Variants in AK4 observed in about 807,000 individuals in gnomAD.
AK4 encodes the protein adenylate kinase 4, also known as adenylate kinase 4, mitochondrial.
In AK4, 13 loss-of-function variants were observed where a neutral mutation model predicts 24.6. That is an observed-to-expected ratio of 0.53 (90% confidence interval 0.34 to 0.84). The LOEUF is 0.84. Among genes scored for constraint, AK4 ranks in the 40% least tolerant of loss-of-function variants. The pLI is 0.01. For synonymous variants in AK4, 88 were observed against 107.0 expected (o/e 0.82, Z 1.10); for missense variants, 192 against 288.2 (o/e 0.67, Z 2.42).
intron 1 of AK4, among the ~76,000 whole-genome samples, chr1:65,149,438 C>T (rs1397122422): frequency 6.6e-6 from 1 of 152,152 alleles, no homozygotes; most frequent in Non-Finnish European, 1.5e-5. Flanking sequence ...CGAGAGGTAG[C>T]GGTTGTGCTG....
rs937011598 is a variant in AK4 at position 65,230,089 on chromosome 1, T to C, written c.*3912T>C. Reference sequence around the variant, plus strand: ...CCACCATCTGCTTGTCGTGCAACAGTTGAGGCAGTAACCAGGGGAGATTCA... The same window carrying C: ...CCACCATCTGCTTGTCGTGCAACAGCTGAGGCAGTAACCAGGGGAGATTCA... On this transcript the variant is annotated 3_prime_UTR_variant, in exon 5 of 5. Coordinates refer to ENST00000327299, the MANE Select transcript of AK4 (RefSeq NM_013410.4). The C allele has an allele frequency of 3.9e-5, 6 of 152,274 alleles. No homozygotes were observed. The highest frequency in any genetic ancestry group is 8.8e-5 in the Non-Finnish European group (6 of 68,096). The allele number at this position is 152,274 out of a possible 1,614,324, so 9.4% of individuals were successfully genotyped here. A position where few individuals can be genotyped will look rare whatever the true frequency, so the allele number is the denominator to read the frequency against.
chr1:65,164,355 A>G (rs1650261629), intron 1 of AK4, among the ~76,000 whole-genome samples: 1 of 152,138 alleles, frequency 6.6e-6, no homozygotes, highest in South Asian at 2.1e-4. Context: ...CGGTTTCACA[A>G]GGACTCAAAT....
At chr1:65,171,195 G>C (rs1256504685) in intron 1 of AK4, among the ~76,000 whole-genome samples, 1 of 143,734 alleles carries the variant, frequency 7.0e-6, no homozygotes, top group Non-Finnish European at 1.5e-5. Context: ...TTCTGGGCTC[G>C]AGCAATCTGC....
At chr1:65,163,239 C>T (rs921843599) in intron 1 of AK4, among the ~76,000 whole-genome samples, 1 of 152,170 alleles carries the variant, frequency 6.6e-6, no homozygotes, top group African/African-American at 2.4e-5. Flanking sequence ...AATGAAGGTT[C>T]GTTTCTTCTC....
intron 4 of AK4, among the ~76,000 whole-genome samples, chr1:65,225,727 A>T (rs911494551): frequency 2.6e-5 from 4 of 152,188 alleles, no homozygotes; most frequent in African/African-American, 9.7e-5. Context: ...TTGACTAAGT[A>T]ATATAGGTTT....
intron 1 of AK4, among the ~76,000 whole-genome samples, chr1:65,164,988 T>C (rs558693120): frequency 3.3e-5 from 5 of 152,202 alleles, no homozygotes; most frequent in African/African-American, 9.7e-5. Flanking sequence ...TTTAAACTTA[T>C]TAAGCACTTG....
At chr1:65,219,203 ATTATAT>A (rs1428464286) in intron 3 of AK4, among the ~76,000 whole-genome samples, 1 of 151,282 alleles carries the variant, frequency 6.6e-6, no homozygotes, top group Admixed American at 6.6e-5. Context: ...AATGTATATA[ATTATAT>A]TTATTTTATT....
At chr1:65,174,763 A>G (rs1180004550) in intron 1 of AK4, among the ~76,000 whole-genome samples, 3 of 152,192 alleles carry the variant, frequency 2.0e-5, no homozygotes, top group Non-Finnish European at 4.4e-5. Flanking sequence ...TTGGAACCAC[A>G]TTGACTGGGA....
intron 1 of AK4, among the ~76,000 whole-genome samples, chr1:65,159,078 G>A (rs1380524871): frequency 6.6e-6 from 1 of 152,162 alleles, no homozygotes; most frequent in Admixed American, 6.5e-5. Flanking sequence ...AGATAATACT[G>A]AAATAATGCA....
At chr1:65,208,970 C>T (rs1337580488) in intron 2 of AK4, among the ~76,000 whole-genome samples, 1 of 142,080 alleles carries the variant, frequency 7.0e-6, no homozygotes, top group Non-Finnish European at 1.5e-5. Flanking sequence ...TGATATCTCA[C>T]TGCACTTAGT....
At chr1:65,216,688 CT>C (rs1176965901) in intron 2 of AK4, among the ~76,000 whole-genome samples, 16 of 126,156 alleles carry the variant, frequency 1.3e-4, no homozygotes, top group East Asian at 6.4e-4. Flanking sequence ...TTCTTTTCTT[CT>C]TTTTTTTTTC....
In AK4 at chr1:65,224,865, A is replaced by T; in HGVS notation, c.552A>T (p.Leu184Phe). The part of the protein sequence containing the change: ...YKDVAKPVIE[L>F]YKSRGVLHQF... ...ACGTGGCAAAGCCAGTCATTGAATT[A>T]TACAAGTGAGTGTGCTTCAATATTT... Residue 184 changes from leucine (L) to phenylalanine (F), a missense_variant, in exon 4 of 5, where the codon TTA becomes TTT. Transcript: ENST00000327299. The T allele has an allele frequency of 6.2e-7, 1 of 1,611,500 alleles. No homozygotes were observed. Among genetic ancestry groups the T allele is most frequent in the South Asian group, 1.1e-5 (1 of 91,002 alleles).
chr1:65,160,319 A>G (rs1650119160), intron 1 of AK4, among the ~76,000 whole-genome samples: 1 of 152,202 alleles, frequency 6.6e-6, no homozygotes, highest in Admixed American at 6.5e-5. Flanking sequence ...TTTGGTGTCT[A>G]ATAAGGCCTG....
At chr1:65,172,062 A>AATATATATATATATAT (rs1406842262) in intron 1 of AK4, among the ~76,000 whole-genome samples, 5 of 29,912 alleles carry the variant, frequency 1.7e-4, no homozygotes, top group Admixed American at 4.4e-4. Flanking sequence ...CTCCATCTCA[A>AATATATATATATATAT]GTATATATAT....
chr1:65,204,289 C>T (rs1651751167), intron 2 of AK4, among the ~76,000 whole-genome samples: 1 of 151,802 alleles, frequency 6.6e-6, no homozygotes, highest in Admixed American at 6.6e-5. Context: ...CAACCTCCAC[C>T]TCCTGGGTTC....
chr1:65,179,334 A>G (rs1438486150), intron 1 of AK4, among the ~76,000 whole-genome samples: 3 of 152,184 alleles, frequency 2.0e-5, no homozygotes, highest in African/African-American at 7.2e-5. Flanking sequence ...AATGCTCACA[A>G]ACATTGAGAG....
chr1:65,198,860 T>C (rs1218772878), intron 2 of AK4, among the ~76,000 whole-genome samples: 1 of 151,954 alleles, frequency 6.6e-6, no homozygotes, highest in Non-Finnish European at 1.5e-5. Context: ...GAGGATCACT[T>C]GAGCCCAGGA....
intron 2 of AK4, among the ~76,000 whole-genome samples, chr1:65,201,276 C>T (rs914422031): frequency 1.3e-5 from 2 of 152,156 alleles, no homozygotes; most frequent in African/African-American, 4.8e-5. Context: ...TCTTCTCTTT[C>T]TCATTTGTTA....
chr1:65,194,687 C>T (rs889310081), intron 2 of AK4, among the ~76,000 whole-genome samples: 1 of 152,198 alleles, frequency 6.6e-6, no homozygotes, highest in Admixed American at 6.5e-5. Context: ...GTCTTGAACT[C>T]ATGACCTCAG....
Sources: gnomAD v4.1 joint callset for allele counts (sites outside exome capture counted in the v4.1 genomes callset) on GRCh38, gnomAD v4.1.1 for gene constraint, MANE v1.5 for transcripts, NCBI Gene and HGNC (gene_info 2026-07-23, HGNC 2026-07-21) for gene names.